CMIP: variants seen among roughly 807,000 people sequenced by gnomAD.
The protein encoded by CMIP is C-Maf-inducing protein.
A neutral mutation model predicts 97.3 loss-of-function variants in CMIP; 13 were observed. The ratio of observed to expected loss-of-function variants is 0.13; its 90% CI spans 0.09 to 0.21. The LOEUF is 0.21. Among genes scored for constraint, CMIP ranks in the 10% least tolerant of loss-of-function variants. CMIP has a pLI of 1.00. For synonymous variants in CMIP, 538 were observed against 436.3 expected, an observed-to-expected ratio of 1.23 and a Z score of -2.91; for missense variants, 847 against 1,024.9, an observed-to-expected ratio of 0.83 and a Z score of 2.37.
intron 1 of CMIP, among the ~76,000 whole-genome samples, chr16:81,550,816 AC>A (rs1480760591): frequency 3.3e-5 from 5 of 151,392 alleles, no homozygotes; most frequent in Admixed American, 6.6e-5. Flanking sequence ...GAAAGTCCTA[AC>A]CCCATTCTGT....
chr16:81,475,691 A>T (rs891591887), intron 1 of CMIP, among the ~76,000 whole-genome samples: 4 of 152,166 alleles, frequency 2.6e-5, no homozygotes, highest in African/African-American at 9.7e-5. Flanking sequence ...GATGGTTAAG[A>T]TAAAACACAA....
chr16:81,635,397 G>A (rs2092221495), intron 3 of CMIP, among the ~76,000 whole-genome samples: 1 of 152,152 alleles, frequency 6.6e-6, no homozygotes, highest in South Asian at 2.1e-4. Flanking sequence ...TTTTTTAAAG[G>A]TATATCCTAC....
At chr16:81,622,036 C>A (rs2091999715) in intron 3 of CMIP, 1 of 152,200 alleles carries the variant, frequency 6.6e-6, no homozygotes, top group Admixed American at 6.5e-5. Flanking sequence ...TACTGTGTGC[C>A]AGGACTGGCG....
At chr16:81,644,378 C>T (rs1372058915) in intron 3 of CMIP, among the ~76,000 whole-genome samples, 1 of 152,122 alleles carries the variant, frequency 6.6e-6, no homozygotes, top group African/African-American at 2.4e-5. Context: ...GGCCAGGGGG[C>T]TGTGTTTGAC....
chr16:81,499,800 C>T (rs78844052), intron 1 of CMIP, among the ~76,000 whole-genome samples: 1 of 152,246 alleles, frequency 6.6e-6, no homozygotes, highest in Non-Finnish European at 1.5e-5. Flanking sequence ...GGGGCGGCAG[C>T]TCCGGTCCTG....
chr16:81,540,678 GTGTGTGTT>G (rs1418806666), intron 1 of CMIP, among the ~76,000 whole-genome samples: 6 of 117,876 alleles, frequency 5.1e-5, no homozygotes, highest in Non-Finnish European at 1.2e-4. Flanking sequence ...GTGTGTGTGT[GTGTGTGTT>G]TGTTTTTGTT....
intron 1 of CMIP, among the ~76,000 whole-genome samples, chr16:81,486,553 T>A (rs1405957760): frequency 2.0e-5 from 3 of 152,088 alleles, no homozygotes; most frequent in Non-Finnish European, 4.4e-5. Flanking sequence ...GTGCACACAG[T>A]GACTCTCCAA....
chr16:81,577,943 C>T (rs924522115), intron 1 of CMIP, among the ~76,000 whole-genome samples: 5 of 140,800 alleles, frequency 3.6e-5, no homozygotes, highest in African/African-American at 1.1e-4. Context: ...ACCTTCATCA[C>T]CACCATCATC....
At chr16:81,686,152 A>G (rs28437192) in intron 10 of CMIP, among the ~76,000 whole-genome samples, 64,885 of 151,830 alleles carry the variant, frequency 0.43, 14,520 homozygotes, top group African/African-American at 0.54. Context: ...CCTGGCACGC[A>G]GCAGGCGCTG....
intron 1 of CMIP, among the ~76,000 whole-genome samples, chr16:81,471,467 T>C (rs909007673): frequency 4.6e-5 from 7 of 152,126 alleles, no homozygotes; most frequent in South Asian, 2.1e-4. Context: ...CATACACATG[T>C]ATGCAGACAT....
At chr16:81,447,675 A>G (rs1905944914) in intron 1 of CMIP, among the ~76,000 whole-genome samples, 1 of 152,188 alleles carries the variant, frequency 6.6e-6, no homozygotes, top group Non-Finnish European at 1.5e-5. Context: ...ACTATAAGGA[A>G]GTGTTTGATG....
chr16:81,636,926 T>C (rs2092244652), intron 3 of CMIP, among the ~76,000 whole-genome samples: 1 of 150,858 alleles, frequency 6.6e-6, no homozygotes, highest in South Asian at 2.1e-4. Flanking sequence ...TTTGCTACTG[T>C]ACTTAACAGC....
intron 1 of CMIP, among the ~76,000 whole-genome samples, chr16:81,599,073 G>C (rs1473235568): frequency 2.6e-5 from 4 of 152,036 alleles, no homozygotes; most frequent in Admixed American, 6.6e-5. Flanking sequence ...TCGGCGTCTG[G>C]AGAATGGTTG....
At chr16:81,465,206 A>C (rs1907128546) in intron 1 of CMIP, among the ~76,000 whole-genome samples, 1 of 152,256 alleles carries the variant, frequency 6.6e-6, no homozygotes, top group Non-Finnish European at 1.5e-5. Context: ...CGACAGCCAG[A>C]GATGATAATT....
rs375275083 is a variant in CMIP, at chr16:81,640,689, C to G, written c.478-11514C>G. The stretch of plus-strand genomic sequence containing the variant: ...TGATGGTGTCCGGCTATCCTTGATG[C>G]GCCTTGGCATCCAGGCTCTGCCTCC... On this transcript the variant is annotated intron_variant, in intron 3 of 20. Transcript: ENST00000537098. Among the ~76,000 whole-genome samples the G allele has an allele frequency of 8.7e-4, 132 of 151,840 alleles. 1 individual carries two copies. Among genetic ancestry groups the G allele is most frequent in the Non-Finnish European group, 1.2e-3 (81 of 67,956 alleles).
At chr16:81,449,028 G>C (rs1458901689) in intron 1 of CMIP, among the ~76,000 whole-genome samples, 4 of 152,246 alleles carry the variant, frequency 2.6e-5, no homozygotes, top group African/African-American at 7.2e-5. Context: ...TGCTGCTCTC[G>C]TCTGTGGGTT....
intron 1 of CMIP, among the ~76,000 whole-genome samples, chr16:81,473,402 C>A (rs1033689773): frequency 6.6e-6 from 1 of 152,138 alleles, no homozygotes; most frequent in Non-Finnish European, 1.5e-5. Flanking sequence ...CCGGCAGAGG[C>A]TGTTGCCCAA....
chr16:81,474,302 C>G (rs1190960240), intron 1 of CMIP, among the ~76,000 whole-genome samples: 1 of 152,052 alleles, frequency 6.6e-6, no homozygotes, highest in African/African-American at 2.4e-5. Flanking sequence ...CCCTCCCTCT[C>G]TCCCTACTGT....
At chr16:81,597,972 A>T (rs2091590676) in intron 1 of CMIP, among the ~76,000 whole-genome samples, 1 of 151,882 alleles carries the variant, frequency 6.6e-6, no homozygotes, top group Admixed American at 6.6e-5. Flanking sequence ...GAATGACTTC[A>T]TGAATTCAGT....
Sources: gnomAD v4.1 joint callset for allele counts (sites outside exome capture counted in the v4.1 genomes callset) on GRCh38, gnomAD v4.1.1 for gene constraint, MANE v1.5 for transcripts, NCBI Gene and HGNC (gene_info 2026-07-23, HGNC 2026-07-21) for gene names.